Variants in ATRN observed in about 807,000 individuals in gnomAD.
ATRN encodes attractin.
Under a neutral mutation model 178.7 loss-of-function variants are expected in ATRN, and 54 were observed. The observed-to-expected ratio is 0.30, with a 90% CI of 0.24 to 0.38. The LOEUF (loss-of-function observed/expected upper bound fraction) is 0.38, where lower values mean the gene tolerates loss of function less well. Among genes scored for constraint, ATRN ranks in the 10% least tolerant of loss-of-function variants. The pLI is 1.00. For missense variants in ATRN, 1,443 were observed against 1,815.1 expected, an observed-to-expected ratio of 0.79 and a Z score of 3.73; for synonymous variants, 636 against 663.0, an observed-to-expected ratio of 0.96 and a Z score of 0.63.
At chr20:3,625,719 T>C (rs1321602763) in intron 25 of ATRN, among the ~76,000 whole-genome samples, 1 of 152,116 alleles carries the variant, frequency 6.6e-6, no homozygotes, top group Non-Finnish European at 1.5e-5. Context: ...CAAGTGCACT[T>C]GTTCCTGAGG....
intron 24 of ATRN, among the ~76,000 whole-genome samples, chr20:3,615,316 C>G (rs867065960): frequency 1.3e-5 from 2 of 151,446 alleles, no homozygotes; most frequent in Middle Eastern, 3.4e-3. Flanking sequence ...GTAGTCCCAG[C>G]TACTTGCAAG....
intron 6 of ATRN, among the ~76,000 whole-genome samples, chr20:3,552,608 T>G (rs1451232752): frequency 2.0e-5 from 3 of 152,216 alleles, no homozygotes; most frequent in Non-Finnish European, 4.4e-5. Flanking sequence ...ATTATCACCA[T>G]TTCAGTTGGT....
intron 1 of ATRN, among the ~76,000 whole-genome samples, chr20:3,475,349 A>C (rs976278648): frequency 6.6e-6 from 1 of 152,166 alleles, no homozygotes; most frequent in Non-Finnish European, 1.5e-5. Flanking sequence ...GAGCATTTTC[A>C]TGTACATTGT....
chr20:3,626,293 G>C (rs1483310645), intron 25 of ATRN, among the ~76,000 whole-genome samples: 1 of 150,158 alleles, frequency 6.7e-6, no homozygotes, highest in Non-Finnish European at 1.5e-5. Context: ...TTTTCCATTA[G>C]AATTTAGAAG....
At chr20:3,564,345 T>C (rs1442023900) in intron 10 of ATRN, among the ~76,000 whole-genome samples, 3 of 152,160 alleles carry the variant, frequency 2.0e-5, no homozygotes, top group African/African-American at 7.2e-5. Context: ...GGAGGGGCCA[T>C]CCTCTCTGGG....
chr20:3,564,777 C>T (rs1298153603), intron 10 of ATRN, among the ~76,000 whole-genome samples: 1 of 152,084 alleles, frequency 6.6e-6, no homozygotes, highest in South Asian at 2.1e-4. Flanking sequence ...CTTTAAAAAA[C>T]ATTCTTGGCT....
intron 18 of ATRN, among the ~76,000 whole-genome samples, chr20:3,588,981 G>T (rs80237281): frequency 0.024 from 2,397 of 99,420 alleles, 105 homozygotes; most frequent in African/African-American, 0.074. Context: ...ATTTTCTTTT[G>T]TTTTTTTTTT....
At chr20:3,532,920 G>A (rs1415562613) in intron 1 of ATRN, among the ~76,000 whole-genome samples, 1 of 152,074 alleles carries the variant, frequency 6.6e-6, no homozygotes, top group Non-Finnish European at 1.5e-5. Context: ...CCACCACCAC[G>A]CCCAGCTAAT....
chr20:3,638,478 C>G lies in ATRN; in HGVS notation c.3943-350C>G, dbSNP rs73608186. ...GATATGAACTCATTTATTTTATGGC[C>G]GCATAGTATTCCATGGTGTATATGT... On this transcript the variant is annotated intron_variant, in intron 26 of 28. Transcript: ENST00000262919. This position sits in a 1 kb window ranked among gnomAD's most constrained non-coding sequence, Gnocchi z 4.5. Among the ~76,000 whole-genome samples, 1 of 152,112 alleles carries G rather than the reference C, an allele frequency of 6.6e-6. No individual in the cohort carries two copies. The highest frequency in any genetic ancestry group is 1.5e-5 in the Non-Finnish European group (1 of 68,020).
Position 3,646,510 on chromosome 20 carries a change from G to A in ATRN, c.4166-213G>A, listed in dbSNP as rs536247831. Among the ~76,000 whole-genome samples, 168 of 152,302 alleles carry A rather than the reference G, an allele frequency of 1.1e-3. 3 individuals carry two copies. Among genetic ancestry groups the A allele is most frequent in the South Asian group, 8.3e-3 (40 of 4,826 alleles). Reference sequence around the variant, plus strand: ...AGAATACATAAAAATTAGTGAAAGCGTTTACCCAGATGGAGGGGAAGGCGG... The same window carrying A: ...AGAATACATAAAAATTAGTGAAAGCATTTACCCAGATGGAGGGGAAGGCGG... On this transcript the variant is annotated intron_variant, in intron 28 of 28. Transcript: ENST00000262919.
intron 6 of ATRN, among the ~76,000 whole-genome samples, chr20:3,556,805 G>A (rs968394365): frequency 6.6e-6 from 1 of 151,590 alleles, no homozygotes; most frequent in African/African-American, 2.4e-5. Flanking sequence ...TTTTCTCTGT[G>A]TTGAGAGATG....
intron 1 of ATRN, among the ~76,000 whole-genome samples, chr20:3,500,743 G>A (rs946939126): frequency 2.5e-4 from 38 of 150,690 alleles, no homozygotes; most frequent in East Asian, 1.6e-3. Flanking sequence ...GCTAGATGAC[G>A]AGTTAGTGGG....
intron 12 of ATRN, 137 bp from the exon 13 acceptor site, chr20:3,575,690 A>T: frequency 4.1e-6 from 4 of 964,882 alleles, no homozygotes; most frequent in South Asian, 1.8e-5. Flanking sequence ...TAACCAGAAC[A>T]TACCAAATAT....
chr20:3,581,624 C>T (rs896754116), intron 15 of ATRN, among the ~76,000 whole-genome samples: 5 of 150,760 alleles, frequency 3.3e-5, no homozygotes, highest in African/African-American at 1.2e-4. Context: ...CCTTCAGCAT[C>T]CATCATGTTG....
chr20:3,552,953 A>G (rs2085810125), intron 6 of ATRN, among the ~76,000 whole-genome samples: 1 of 152,120 alleles, frequency 6.6e-6, no homozygotes, highest in Non-Finnish European at 1.5e-5. Flanking sequence ...CAGAAATGAT[A>G]TCCTATCATC....
rs564846621 is a variant in ATRN, at chr20:3,532,077, C to T, written c.411-3176C>T. On this transcript the variant is annotated intron_variant, in intron 1 of 28. Transcript: ENST00000262919. ...CCCAGGAGTTTGAGGCTGGAGTGAG[C>T]CATTGAGCTTGCCACTGCACTCCAG... Among the ~76,000 whole-genome samples the T allele has an allele frequency of 1.6e-4, 24 of 152,168 alleles. No homozygotes were observed. The South Asian group carries it at 3.7e-3, about 24-fold the overall frequency.
chr20:3,575,152 C>T lies in ATRN; in HGVS notation c.2093-675C>T, dbSNP rs186305747. On this transcript the variant is annotated intron_variant, in intron 12 of 28. Coordinates refer to ENST00000262919, the MANE Select transcript of ATRN (RefSeq NM_139321.3). ...CTAATTTTTCTAGGTTTAGTAGAGACGGGGTTTCACCATGTTGACCAGGCT... is the reference window on the plus strand; with the variant it reads ...CTAATTTTTCTAGGTTTAGTAGAGATGGGGTTTCACCATGTTGACCAGGCT... 8.5e-4 allele frequency among the ~76,000 whole-genome samples: 130 copies of T among 152,240 alleles called. 1 individual carries two copies. The East Asian group carries it at 0.022, about 26-fold the overall frequency.
chr20:3,471,191 G>C lies in ATRN; in HGVS notation c.84G>C (p.Gly28=). The C allele has an allele frequency of 3.3e-6, 5 of 1,503,160 alleles. No individual in the cohort carries two copies. Among genetic ancestry groups the C allele is most frequent in the Non-Finnish European group, 4.4e-6 (5 of 1,132,890 alleles). The allele number at this position is 1,503,160 out of a possible 1,614,324, so 93.1% of individuals were successfully genotyped here. Residue 28 remains glycine (G), a synonymous_variant, in exon 1 of 29, where the codon GGG becomes GGC. Coordinates refer to ENST00000262919, the MANE Select transcript of ATRN (RefSeq NM_139321.3). ...CAGCGCTCGCGGGCAGGAGCGGCGG[G>C]CCGCACTGGGACTGGGACGTGACCA... ...ATAALAGRSG[G]PHWDWDVTRA... is the part of the protein sequence containing the mutation.
chr20:3,507,843 C>T (rs1373005091), intron 1 of ATRN, among the ~76,000 whole-genome samples: 1 of 151,770 alleles, frequency 6.6e-6, no homozygotes, highest in East Asian at 1.9e-4. Flanking sequence ...CCACCACGCT[C>T]AGCTAATTTT....
Sources: allele counts gnomAD v4.1 joint callset (sites outside exome capture counted in the v4.1 genomes callset), GRCh38; gene constraint gnomAD v4.1.1; non-coding constraint Gnocchi (gnomAD v3.1); transcripts MANE v1.5; gene names NCBI Gene and HGNC (gene_info 2026-07-23, HGNC 2026-07-21).